The following CES2 variants were observed in gnomAD, a reference collection of about 807,000 sequenced individuals.
The protein encoded by CES2 is cocaine esterase.
Under a neutral mutation model 52.1 loss-of-function variants are expected in CES2, and 42 were observed. The ratio of observed to expected loss-of-function variants is 0.81; its 90% confidence interval spans 0.63 to 1.04. The LOEUF is 1.04. Ranked by LOEUF, CES2 falls within the 50% of genes least tolerant of loss-of-function variation. CES2 has a pLI of 0.00. For missense variants in CES2, 656 were observed against 724.3 expected, an observed-to-expected ratio of 0.91 and a Z score of 1.08; for synonymous variants, 277 against 289.6, an observed-to-expected ratio of 0.96 and a Z score of 0.44.
chr16:66,943,499 C>A lies in CES2; in HGVS notation c.1493+128C>A. 1 of 941,232 alleles carries A rather than the reference C, an allele frequency of 1.1e-6. No homozygotes were observed. Among genetic ancestry groups the A allele is most frequent in the Non-Finnish European group, 1.6e-6 (1 of 610,116 alleles). The allele number at this position is 941,232 out of a possible 1,614,324, so 58.3% of individuals were successfully genotyped here. A position where few individuals can be genotyped will look rare whatever the true frequency, so the allele number is the denominator to read the frequency against. On this transcript the variant is annotated intron_variant, in intron 11 of 11. Transcript: ENST00000317091. This position sits in a 1 kb window ranked among gnomAD's most constrained non-coding sequence, Gnocchi z 4.2. ...CATCACATGATGGCCCCTTCCCCAGCTCCGGGACCCACTCAGACAGGGTGG... is the reference window on the plus strand; with the variant it reads ...CATCACATGATGGCCCCTTCCCCAGATCCGGGACCCACTCAGACAGGGTGG...
chr16:66,939,488 A>G, intron 3 of CES2, 130 bp downstream of exon 3: 1 of 987,570 alleles, frequency 1.0e-6, no homozygotes, highest in Non-Finnish European at 1.5e-6. Flanking sequence ...GTCAGGTCCA[A>G]GAAATGCTCC....
At chr16:66,942,571 G>C (rs1415917197) in intron 9 of CES2, 77 bp from the exon 10 acceptor site, 2 of 1,537,236 alleles carry the variant, frequency 1.3e-6, no homozygotes, top group East Asian at 4.5e-5. Flanking sequence ...TTTGGACCTA[G>C]GTATCTTATC....
chr16:66,940,488 T>G lies in CES2; in HGVS notation c.609T>G (p.Ala203=), dbSNP rs111381920. The change falls in exon 5 of 12, where the codon GCT becomes GCG. Residue 203 remains alanine (A), a synonymous_variant. Transcript: ENST00000317091. ...ACTGGGGCTACCTGGACCAAGTGGC[T>G]GCACTACGCTGGGTCCAGCAGAATA... is the stretch of plus-strand genomic sequence containing the variant. ...TGNWGYLDQV[A]ALRWVQQNIA... 459 of 1,613,942 alleles carry G rather than the reference T, an allele frequency of 2.8e-4. 5 individuals carry two copies. The highest frequency in any genetic ancestry group is 2.0e-3 in the Middle Eastern group (12 of 6,062).
At chr16:66,942,352 G>A (rs915816592) in intron 9 of CES2, 103 bp downstream of exon 9, 14 of 1,231,636 alleles carry the variant, frequency 1.1e-5, no homozygotes, top group Non-Finnish European at 1.5e-5. Flanking sequence ...TGTTTATTGG[G>A]CTCCGGGGAC....
upstream of CES2, chr16:66,935,170 A>G (rs1391532200): frequency 2.5e-6 from 1 of 404,532 alleles, no homozygotes. Context: ...CACCCCGATC[A>G]AGTTCCTTCC....
At chr16:66,934,687 C>A, upstream of CES2, 2 of 307,594 alleles carry the variant, frequency 6.5e-6, no homozygotes, top group Non-Finnish European at 6.0e-6. This position sits in a 1 kb window ranked among gnomAD's most constrained non-coding sequence, Gnocchi z 4.1. Context: ...AATCCCCACA[C>A]CGCTTCCTCC....
At chr16:66,938,668 ACT>A (rs1245215909) in intron 2 of CES2, among the ~76,000 whole-genome samples, 1 of 152,018 alleles carries the variant, frequency 6.6e-6, no homozygotes, top group Non-Finnish European at 1.5e-5. Context: ...GGGGACCTGC[ACT>A]CTCCACAGGC....
rs929677386 is a variant in CES2 at position 66,941,135 on chromosome 16, C to T, written c.828C>T (p.Asn276=). 1 of 1,613,998 alleles carries T rather than the reference C, an allele frequency of 6.2e-7. No individual in the cohort carries two copies. Among genetic ancestry groups the T allele is most frequent in the South Asian group, 1.1e-5 (1 of 91,076 alleles). Residue 276 remains asparagine (N), a synonymous_variant, in exon 6 of 12, where the codon AAC becomes AAT. Coordinates refer to ENST00000317091, the MANE Select transcript of CES2 (RefSeq NM_001365405.1). ...SADVISTVVA[N]LSACDQVDSE... ...TGGTCCCTTTACAGGTGGTGGCCAA[C>T]CTGTCTGCCTGTGACCAAGTTGACT...
intron 1 of CES2, among the ~76,000 whole-genome samples, chr16:66,937,348 G>T (rs756290674): frequency 6.6e-6 from 1 of 152,170 alleles, no homozygotes; most frequent in Non-Finnish European, 1.5e-5. Flanking sequence ...ACTGCTTGTT[G>T]ACACCGCAGT....
At chr16:66,939,962 C>T (rs1159151302) in intron 3 of CES2, among the ~76,000 whole-genome samples, 4 of 152,196 alleles carry the variant, frequency 2.6e-5, no homozygotes, top group Non-Finnish European at 5.9e-5. Flanking sequence ...ATCAGGGAGA[C>T]ACCCCTTTTC....
At position 66,944,262 on chromosome 16, in the gene CES2, G is replaced by A. The variant is rs900859269; in HGVS notation, c.*237G>A. On this transcript the variant is annotated 3_prime_UTR_variant, in exon 12 of 12. Coordinates refer to ENST00000317091, the MANE Select transcript of CES2 (RefSeq NM_001365405.1). ...GATGGGAGGATGGCTTGAGGCCAGA[G>A]GTTTGAGACCGACCAGCCAGGGCAA... 2 of 315,208 alleles carry A rather than the reference G, an allele frequency of 6.3e-6. No homozygotes were observed. Among genetic ancestry groups the A allele is most frequent in the African/African-American group, 2.2e-5 (1 of 45,760 alleles). 19.5% of individuals were successfully genotyped at this position (315,208 alleles called of 1,614,324 possible).
chr16:66,942,877 C>T, intron 10 of CES2, 92 bp downstream of exon 10: 2 of 1,588,202 alleles, frequency 1.3e-6, no homozygotes, highest in Admixed American at 1.7e-5. Flanking sequence ...GATAAGGAAA[C>T]TGAGGCTCAG....
Position 66,944,608 on chromosome 16 carries a change from A to C in CES2, c.*583A>C, listed in dbSNP as rs1339723328. ...TGAAAAATACAAAAATCAGACGGGC[A>C]CAGTGGTGGTGCCCACCTGTGATCC... On this transcript the variant is annotated 3_prime_UTR_variant, in exon 12 of 12. Transcript: ENST00000317091. 1 of 152,136 alleles carries C rather than the reference A, an allele frequency of 6.6e-6. No homozygotes were observed. Among genetic ancestry groups the C allele is most frequent in the African/African-American group, 2.4e-5 (1 of 41,414 alleles). The allele number at this position is 152,136 out of a possible 1,614,324, so 9.4% of individuals were successfully genotyped here. A position where few individuals can be genotyped will look rare whatever the true frequency, so the allele number is the denominator to read the frequency against.
chr16:66,935,887 G>T (rs1963197962), intron 1 of CES2, 176 bp downstream of exon 1: 4 of 1,475,244 alleles, frequency 2.7e-6, no homozygotes, highest in Non-Finnish European at 3.6e-6. Context: ...TGGGCTCCTA[G>T]AAGCACAGAA....
intron 6 of CES2, 142 bp downstream of exon 6, chr16:66,941,364 G>A (rs547467276): frequency 1.6e-4 from 240 of 1,510,394 alleles, no homozygotes; most frequent in Non-Finnish European, 1.9e-4. Context: ...ACTGAAGGTC[G>A]GTGCATGCTG....
chr16:66,935,505 C>A (rs1384903827), upstream of CES2: 1 of 1,613,960 alleles, frequency 6.2e-7, no homozygotes, highest in African/African-American at 1.3e-5. Flanking sequence ...CAGCGCACCC[C>A]GCTGACTCCC....
chr16:66,940,644 C>T lies in CES2; in HGVS notation c.765C>T (p.Gly255=), dbSNP rs556416386. The T allele has an allele frequency of 6.9e-5, 111 of 1,614,238 alleles. 1 individual carries two copies. Among genetic ancestry groups the T allele is most frequent in the South Asian group, 6.4e-4 (58 of 91,090 alleles). ...GLFHGAIMES[G]VALLPGLIAS... is the part of the protein sequence containing the mutation. ...TCCACGGAGCCATCATGGAGAGTGG[C>T]GTGGCCCTCCTGCCCGGCCTCATTG... Residue 255 remains glycine, a synonymous_variant, in exon 5 of 12, where the codon GGC becomes GGT. Transcript: ENST00000317091.
intron 6 of CES2, 27 bp from the exon 7 acceptor site, chr16:66,941,479 G>A: frequency 2.5e-6 from 4 of 1,612,556 alleles, no homozygotes; most frequent in Middle Eastern, 1.7e-4. Flanking sequence ...ACCTGACCTT[G>A]TTCCCTGACC....
At position 66,942,143 on chromosome 16, in the gene CES2, G is replaced by GATGTTGCCTCC; in HGVS notation, c.1176_1177insATGTTGCCTCC (p.Tyr393MetfsTer22). On this transcript the variant is annotated frameshift_variant, in exon 9 of 12. Coordinates refer to ENST00000317091, the MANE Select transcript of CES2 (RefSeq NM_001365405.1). LOFTEE classifies it high-confidence loss of function. ...CATTTGGTGACCTGCTGAGGGAGGA[G>GATGTTGCCTCC]TACATTGGGGACAATGGGGATCCCC... 3.1e-6 allele frequency: 5 copies of GATGTTGCCTCC among 1,613,134 alleles called. No individual in the cohort carries two copies. The highest frequency in any genetic ancestry group is 4.2e-6 in the Non-Finnish European group (5 of 1,179,246).
Sources: allele counts gnomAD v4.1 joint callset (sites outside exome capture counted in the v4.1 genomes callset), GRCh38; gene constraint gnomAD v4.1.1; non-coding constraint Gnocchi (gnomAD v3.1); transcripts MANE v1.5; gene names NCBI Gene and HGNC (gene_info 2026-07-23, HGNC 2026-07-21).